The following ACSM2A variants were observed in gnomAD, a reference collection of about 807,000 sequenced individuals.
ACSM2A encodes acyl-CoA synthetase medium chain family member 2A, also known as acyl-coenzyme A synthetase ACSM2A, mitochondrial.
In ACSM2A, 72 loss-of-function variants were observed where a neutral mutation model predicts 76.6. That is an observed-to-expected ratio of 0.94 (90% CI 0.78 to 1.14). The LOEUF is 1.14. Among genes scored for constraint, ACSM2A ranks in the 50% most tolerant of loss-of-function variants. The probability of loss-of-function intolerance (pLI) is 0.00; values close to 1 mark genes in which losing one functional copy is unlikely to be tolerated. For synonymous variants in ACSM2A, 249 were observed against 255.9 expected, an observed-to-expected ratio of 0.97 and a Z score of 0.26; for missense variants, 684 against 708.5, an observed-to-expected ratio of 0.97 and a Z score of 0.39.
intron 1 of ACSM2A, among the ~76,000 whole-genome samples, chr16:20,455,386 G>C (rs1465549491): frequency 1.3e-5 from 2 of 151,490 alleles, no homozygotes; most frequent in Non-Finnish European, 2.9e-5. Flanking sequence ...AATCTTAAGA[G>C]CTGTGAGGCA....
At chr16:20,473,935 G>A (rs9933896) in intron 6 of ACSM2A, 95,796 of 385,310 alleles carry the variant, frequency 0.25, 14,023 homozygotes, top group East Asian at 0.58. Flanking sequence ...CTTAACTAAG[G>A]CATTCCTTTC....
chr16:20,458,014 C>G (rs1258483203), intron 1 of ACSM2A, among the ~76,000 whole-genome samples: 1 of 151,914 alleles, frequency 6.6e-6, no homozygotes, highest in Non-Finnish European at 1.5e-5. Context: ...CTCTGCCATA[C>G]TTTAATAGCA....
intron 13 of ACSM2A, among the ~76,000 whole-genome samples, chr16:20,484,858 A>G (rs1441206188): frequency 6.6e-6 from 1 of 152,106 alleles, no homozygotes; most frequent in Non-Finnish European, 1.5e-5. Context: ...CAATCCTCAT[A>G]TTGGTCTGGC....
chr16:20,465,818 T>C, intron 3 of ACSM2A, 91 bp downstream of exon 3: 1 of 1,513,876 alleles, frequency 6.6e-7, no homozygotes, highest in Non-Finnish European at 8.9e-7. Context: ...AAAAGAAGTC[T>C]CCTCCTTGGA....
rs1228477470 is a variant in ACSM2A, at chr16:20,482,869, TA to T, written c.1510-186del. On this transcript the variant is annotated intron_variant, in intron 12 of 13. Coordinates refer to ENST00000573854, the MANE Select transcript of ACSM2A (RefSeq NM_001308172.2). ...ATCTTTTGTCCACCTGCTCCTCCAA[TA>T]AATGACTTCAGAGAGAGCTGTAACC... 1.8e-5 allele frequency: 15 copies of T among 838,232 alleles called. No homozygotes were observed. The East Asian group carries it at 3.8e-4, about 21-fold the overall frequency. 51.9% of individuals were successfully genotyped at this position (838,232 alleles called of 1,614,324 possible). A position where few individuals can be genotyped will look rare whatever the true frequency, so the allele number is the denominator to read the frequency against.
In ACSM2A at chr16:20,487,182, G is replaced by A. The variant is rs147663226; in HGVS notation, c.*504G>A. 3 of 151,748 alleles carry A rather than the reference G, an allele frequency of 2.0e-5. No individual in the cohort carries two copies. Among genetic ancestry groups the A allele is most frequent in the Admixed American group, 6.6e-5 (1 of 15,232 alleles). 9.4% of individuals were successfully genotyped at this position (151,748 alleles called of 1,614,324 possible). On this transcript the variant is annotated 3_prime_UTR_variant, in exon 14 of 14. Transcript: ENST00000573854. The stretch of plus-strand genomic sequence containing the variant: ...AGGGAGAAAGGGAGAGAAAAAAATT[G>A]TAAAAATAAAAATAGTAAAAGAAAC...
intron 9 of ACSM2A, 124 bp downstream of exon 9, chr16:20,477,573 A>T: frequency 2.8e-6 from 4 of 1,453,488 alleles, no homozygotes; most frequent in Non-Finnish European, 3.6e-6. Flanking sequence ...AACATAAGAA[A>T]AAAAGGAGGT....
rs901552825 is a variant in ACSM2A, at chr16:20,480,930, G to A, written c.1509+9G>A. 61 of 1,613,750 alleles carry A rather than the reference G, an allele frequency of 3.8e-5. No homozygotes were observed. Among genetic ancestry groups the A allele is most frequent in the Non-Finnish European group, 4.8e-5 (57 of 1,179,864 alleles). On this transcript the variant is annotated intron_variant, in intron 12 of 13. Coordinates refer to ENST00000573854, the MANE Select transcript of ACSM2A (RefSeq NM_001308172.2). ...ACCCCGTCCGAGGAGAGGTGATGGGGAAGCAGTAGCCTGGGGGTGAACACA... is the reference window on the plus strand; with the variant it reads ...ACCCCGTCCGAGGAGAGGTGATGGGAAAGCAGTAGCCTGGGGGTGAACACA...
chr16:20,485,338 G>A (rs930672616), intron 13 of ACSM2A, among the ~76,000 whole-genome samples: 8 of 152,080 alleles, frequency 5.3e-5, no homozygotes, highest in African/African-American at 1.9e-4. Context: ...AATTCTCAAG[G>A]CAGCGGATTA....
chr16:20,468,549 G>A (rs1205746968), intron 3 of ACSM2A, among the ~76,000 whole-genome samples: 2 of 152,068 alleles, frequency 1.3e-5, no homozygotes, highest in Non-Finnish European at 2.9e-5. Flanking sequence ...TAGTAAAGCT[G>A]GGGTTTCGCC....
intron 12 of ACSM2A, chr16:20,481,804 A>T (rs2014101164): frequency 7.4e-6 from 1 of 135,816 alleles, no homozygotes; most frequent in Non-Finnish European, 1.6e-5. Context: ...TAATTACCAT[A>T]TTTGCGTGTA....
At chr16:20,485,049 T>C (rs944687669) in intron 13 of ACSM2A, among the ~76,000 whole-genome samples, 5 of 152,128 alleles carry the variant, frequency 3.3e-5, no homozygotes, top group East Asian at 1.9e-4. Flanking sequence ...GTTTCCTTAT[T>C]TGCAAAATGA....
At chr16:20,469,768 G>C in intron 4 of ACSM2A, 49 bp downstream of exon 4, 2 of 1,608,734 alleles carry the variant, frequency 1.2e-6, no homozygotes, top group Non-Finnish European at 1.7e-6. Context: ...ACTGGAAACA[G>C]AGCCAAGCAC....
Position 20,475,420 on chromosome 16 carries a change from T to A in ACSM2A, c.953T>A (p.Leu318Ter). The change falls in exon 7 of 14, where the codon TTG becomes TAG. Residue 318 changes from leucine (L) to a stop codon, truncating the protein, a stop_gained. Transcript: ENST00000573854. LOFTEE classifies it high-confidence loss of function. ...MMGAPIVYRM[L>*]LQQDLSSYKF... ...GGTGCCCCCATTGTTTACCGGATGT[T>A]GCTACAGCAGGATCTTTCCAGGTGA... The A allele has an allele frequency of 6.2e-7, 1 of 1,613,838 alleles. No homozygotes were observed. The highest frequency in any genetic ancestry group is 1.1e-5 in the South Asian group (1 of 91,066).
At position 20,465,583 on chromosome 16, in the gene ACSM2A, A is replaced by C. The variant is rs372896132; in HGVS notation, c.244A>C (p.Asn82His). The change falls in exon 3 of 14, where the codon AAT (asparagine) becomes CAT (histidine). Residue 82 changes from asparagine (N) to histidine (H), a missense_variant. By Grantham distance (68) the Asn-to-His change is moderately conservative (BLOSUM62 1). Around this residue, in one of 3 missense-constraint regions of ACSM2A, gnomAD observed 519 missense variants for 549.5 expected, o/e 0.94. Coordinates refer to ENST00000573854, the MANE Select transcript of ACSM2A (RefSeq NM_001308172.2). ...VNGKGKELMW[N>H]FRELSENSQQ... ...TGGGAAGGGGAAGGAATTAATGTGG[A>C]ATTTCAGAGAACTGAGTGAAAACAG... 3.1e-6 allele frequency: 5 copies of C among 1,613,842 alleles called. No individual in the cohort carries two copies. The highest frequency in any genetic ancestry group is 4.2e-6 in the Non-Finnish European group (5 of 1,179,882).
chr16:20,480,767 G>T, intron 11 of ACSM2A, 55 bp from the exon 12 acceptor site: 2 of 1,613,126 alleles, frequency 1.2e-6, no homozygotes, highest in Non-Finnish European at 8.5e-7. Context: ...CAGACTTCTG[G>T]AATGGCCTAG....
chr16:20,479,626 T>G lies in ACSM2A; in HGVS notation c.1282-947T>G, dbSNP rs561186015. Among the ~76,000 whole-genome samples, 3 of 152,330 alleles carry G rather than the reference T, an allele frequency of 2.0e-5. No individual in the cohort carries two copies. The East Asian group carries it at 5.8e-4, about 29-fold the overall frequency. On this transcript the variant is annotated intron_variant, in intron 10 of 13. Transcript: ENST00000573854. ...ACAGATGAGGAAAACTGAGCCTCAG[T>G]GATCAGGGCAGAGCCACACTGTCCC...
chr16:20,474,178 GC>G, intron 6 of ACSM2A: 2 of 351,138 alleles, frequency 5.7e-6, no homozygotes, highest in South Asian at 4.5e-5. Flanking sequence ...CTCTGTCATG[GC>G]CATGGTCACT....
chr16:20,474,332 T>C (rs1480193701), intron 6 of ACSM2A: 5 of 193,462 alleles, frequency 2.6e-5, no homozygotes, highest in East Asian at 1.7e-4. Context: ...AATGGATTAA[T>C]GGGTTATCCT....
Sources: allele counts gnomAD v4.1 joint callset (sites outside exome capture counted in the v4.1 genomes callset), GRCh38; gene constraint gnomAD v4.1.1; regional missense constraint gnomAD v4.1.1; transcripts MANE v1.5; gene names NCBI Gene and HGNC (gene_info 2026-07-23, HGNC 2026-07-21).